ARFGEF2: variants seen among roughly 807,000 people sequenced by gnomAD.
ARFGEF2 encodes the protein ARF guanine nucleotide exchange factor 2, also known as brefeldin A-inhibited guanine nucleotide-exchange protein 2.
Under a neutral mutation model 219.9 loss-of-function variants are expected in ARFGEF2, and 74 were observed. The ratio of observed to expected loss-of-function variants is 0.34; its 90% CI spans 0.28 to 0.41. The LOEUF (loss-of-function observed/expected upper bound fraction) is 0.41, where lower values mean the gene tolerates loss of function less well. Ranked by LOEUF, ARFGEF2 falls within the 10% of genes least tolerant of loss-of-function variation. The probability of loss-of-function intolerance (pLI) is 1.00; values close to 1 mark genes in which losing one functional copy is unlikely to be tolerated. For missense variants in ARFGEF2, 1,743 were observed against 2,218.3 expected (o/e 0.79, Z 4.30); for synonymous variants, 733 against 799.2 (o/e 0.92, Z 1.40).
At chr20:48,973,083 T>G (rs2091238350) in intron 11 of ARFGEF2, 62 bp from the exon 12 acceptor site, 7 of 1,601,456 alleles carry the variant, frequency 4.4e-6, no homozygotes, top group Middle Eastern at 1.7e-4. Context: ...ACATCTTGTT[T>G]GATAAGAAAA....
chr20:48,961,088 TAATA>T (rs2091147318), intron 6 of ARFGEF2, among the ~76,000 whole-genome samples: 2 of 147,512 alleles, frequency 1.4e-5, no homozygotes, highest in African/African-American at 2.5e-5. Context: ...CAAAATATAA[TAATA>T]ATAATAATAA....
chr20:49,022,904 CAGG>C, intron 34 of ARFGEF2, 144 bp from the exon 35 acceptor site: 1 of 1,067,278 alleles, frequency 9.4e-7, no homozygotes, highest in Non-Finnish European at 1.4e-6. Context: ...CACTTGAAAC[CAGG>C]AGTTCAGGAC....
At chr20:48,941,164 T>C in intron 1 of ARFGEF2, 35 bp from the exon 2 acceptor site, 1 of 1,603,044 alleles carries the variant, frequency 6.2e-7, no homozygotes, top group African/African-American at 1.3e-5. Context: ...AAATGTTGCA[T>C]TTTCCTAATG....
chr20:48,924,945 A>T (rs555456641), intron 1 of ARFGEF2, among the ~76,000 whole-genome samples: 36 of 152,198 alleles, frequency 2.4e-4, no homozygotes, highest in African/African-American at 7.2e-4. Flanking sequence ...TTACTTTTTT[A>T]TTATTATTAT....
intron 6 of ARFGEF2, among the ~76,000 whole-genome samples, chr20:48,956,270 A>C (rs1305235765): frequency 2.6e-5 from 4 of 152,220 alleles, no homozygotes; most frequent in Admixed American, 2.0e-4. Flanking sequence ...TTGGCATTCA[A>C]CATAATGTTT....
At chr20:48,989,724 T>A (rs1011833793) in intron 20 of ARFGEF2, 40 bp downstream of exon 20, 1 of 1,613,018 alleles carries the variant, frequency 6.2e-7, no homozygotes, top group African/African-American at 1.3e-5. Context: ...TACTGGTGGG[T>A]TGTGCTCTTT....
intron 1 of ARFGEF2, among the ~76,000 whole-genome samples, chr20:48,934,119 C>CAAAA (rs11476863): frequency 5.3e-5 from 3 of 56,152 alleles, no homozygotes; most frequent in Non-Finnish European, 6.4e-5. Context: ...GACTTCATCT[C>CAAAA]AAAAAAAAAA....
At chr20:49,032,234 A>C in intron 38 of ARFGEF2, 68 bp downstream of exon 38, 1 of 1,077,424 alleles carries the variant, frequency 9.3e-7, no homozygotes, top group East Asian at 2.4e-5. Context: ...TTTACTCAAG[A>C]GTTTGCAGTA....
intron 12 of ARFGEF2, among the ~76,000 whole-genome samples, chr20:48,974,284 C>T (rs926354063): frequency 1.3e-5 from 2 of 151,910 alleles, no homozygotes; most frequent in Non-Finnish European, 2.9e-5. Flanking sequence ...TGCCACCACA[C>T]CCGGCTGATT....
chr20:49,014,037 T>C, intron 30 of ARFGEF2, 77 bp downstream of exon 30: 1 of 1,583,398 alleles, frequency 6.3e-7, no homozygotes, highest in Non-Finnish European at 8.7e-7. Context: ...CTCTGGGGGC[T>C]GCATCATCGT....
intron 6 of ARFGEF2, among the ~76,000 whole-genome samples, chr20:48,957,236 G>A (rs1028125429): frequency 1.3e-5 from 2 of 152,150 alleles, no homozygotes; most frequent in Non-Finnish European, 2.9e-5. Flanking sequence ...GATAACTTAT[G>A]CTTACCCCTC....
In ARFGEF2 at chr20:49,010,213, C is replaced by T. The variant is rs529287882; in HGVS notation, c.3585-19C>T. The T allele has an allele frequency of 1.1e-5, 18 of 1,610,404 alleles. No individual in the cohort carries two copies. The highest frequency in any genetic ancestry group is 2.2e-5 in the South Asian group (2 of 90,900). ...TTCTCCAAAGTACAGACGATATGGC[C>T]GTCCCATTCTTTCCTCAGGTCTCCC... On this transcript the variant is annotated intron_variant, in intron 26 of 38. Transcript: ENST00000371917.
At chr20:48,954,618 G>C (rs1325530386) in intron 6 of ARFGEF2, among the ~76,000 whole-genome samples, 1 of 152,204 alleles carries the variant, frequency 6.6e-6, no homozygotes, top group African/African-American at 2.4e-5. Context: ...CCCTACTGGA[G>C]TGCACATATT....
At position 49,023,074 on chromosome 20, in the gene ARFGEF2, C is replaced by T; in HGVS notation, c.4648C>T (p.Leu1550Phe). The T allele has an allele frequency of 1.2e-6, 2 of 1,614,200 alleles. No individual in the cohort carries two copies. Among genetic ancestry groups the T allele is most frequent in the Non-Finnish European group, 1.7e-6 (2 of 1,180,030 alleles). The change falls in exon 35 of 39, where the codon CTC becomes TTC. Residue 1550 changes from leucine (L) to phenylalanine (F), a missense_variant. Physicochemically the swap from Leu to Phe is conservative, Grantham distance 22. Transcript: ENST00000371917. ...YANQKLFASL[L>F]IKCVVQLELI... ...AGATCAGAAACTGTTTGCCAGCCTC[C>T]TCATCAAGTGTGTGGTCCAGTTGGA...
At chr20:48,958,629 A>C (rs899273794) in intron 6 of ARFGEF2, among the ~76,000 whole-genome samples, 2 of 151,348 alleles carry the variant, frequency 1.3e-5, no homozygotes, top group East Asian at 3.9e-4. Context: ...TTTTTAGTAG[A>C]GATGGTGTTT....
At chr20:48,982,317 G>C (rs1973521761) in intron 14 of ARFGEF2, among the ~76,000 whole-genome samples, 1 of 152,176 alleles carries the variant, frequency 6.6e-6, no homozygotes, top group Admixed American at 6.5e-5. Flanking sequence ...AGCAGAGGCT[G>C]CAGAACAGCA....
chr20:48,990,971 C>A, intron 20 of ARFGEF2, 69 bp from the exon 21 acceptor site: 1 of 1,542,434 alleles, frequency 6.5e-7, no homozygotes, highest in Non-Finnish European at 8.9e-7. Context: ...AGTGTGCCAG[C>A]CCTGCAGATG....
Position 48,998,224 on chromosome 20 carries a change from A to T in ARFGEF2, c.3253A>T (p.Asn1085Tyr). 6.2e-7 allele frequency: 1 copy of T among 1,614,116 alleles called. No homozygotes were observed. Among genetic ancestry groups the T allele is most frequent in the South Asian group, 1.1e-5 (1 of 91,082 alleles). ...TACTGGGTCTACCAGACTGGATGGAAATGCAATAGGTATGTATTTGACTTA... is the reference window on the plus strand; with the variant it reads ...TACTGGGTCTACCAGACTGGATGGATATGCAATAGGTATGTATTTGACTTA... ...IFTGSTRLDG[N>Y]AIVDFVRWLC... The change falls in exon 24 of 39, where the codon AAT becomes TAT. Residue 1085 changes from asparagine to tyrosine, a missense_variant. By Grantham distance (143) the Asn-to-Tyr change is moderately radical (BLOSUM62 -2). This residue lies in a region of ARFGEF2 where 666 missense variants were observed against 955.4 expected (regional missense o/e 0.70). Transcript: ENST00000371917.
chr20:48,985,877 G>C (rs2091323851), intron 16 of ARFGEF2, among the ~76,000 whole-genome samples: 1 of 152,196 alleles, frequency 6.6e-6, no homozygotes, highest in African/African-American at 2.4e-5. Flanking sequence ...CATGCTGTTA[G>C]CAACTATAAA....
Sources: gnomAD v4.1 joint callset for allele counts (sites outside exome capture counted in the v4.1 genomes callset) on GRCh38, gnomAD v4.1.1 for gene constraint, gnomAD v4.1.1 regional missense constraint, MANE v1.5 for transcripts, NCBI Gene and HGNC (gene_info 2026-07-23, HGNC 2026-07-21) for gene names.